CRADD: variants seen among roughly 807,000 people sequenced by gnomAD.
The protein encoded by CRADD is CARD and death domain containing adaptor protein.
In CRADD, 9 loss-of-function variants were observed where a neutral mutation model predicts 15.5. The ratio of observed to expected loss-of-function variants is 0.58; its 90% CI spans 0.35 to 1.01. The LOEUF is 1.01. Ranked by LOEUF, CRADD falls within the 50% of genes least tolerant of loss-of-function variation. The pLI, the probability that CRADD is intolerant of heterozygous loss-of-function variation, is 0.02. For synonymous variants in CRADD, 118 were observed against 107.6 expected, an observed-to-expected ratio of 1.10 and a Z score of -0.60; for missense variants, 227 against 250.3, an observed-to-expected ratio of 0.91 and a Z score of 0.63.
intron 2 of CRADD, among the ~76,000 whole-genome samples, chr12:93,796,469 G>T (rs1319514657): frequency 6.6e-6 from 1 of 151,914 alleles, no homozygotes; most frequent in Non-Finnish European, 1.5e-5. Context: ...GCAGGGCATG[G>T]TGGTGGGCAC....
At chr12:93,739,584 G>T (rs1204440844) in intron 2 of CRADD, among the ~76,000 whole-genome samples, 1 of 151,758 alleles carries the variant, frequency 6.6e-6, no homozygotes, top group Non-Finnish European at 1.5e-5. Flanking sequence ...ACAGTTAGTG[G>T]TTTCTATTAT....
At chr12:93,835,536 C>A (rs940479617) in intron 2 of CRADD, among the ~76,000 whole-genome samples, 1 of 152,094 alleles carries the variant, frequency 6.6e-6, no homozygotes, top group African/African-American at 2.4e-5. Flanking sequence ...ACACTTTGGC[C>A]TGGGTTCTCT....
chr12:93,680,394 A>G (rs1411913854), intron 2 of CRADD, among the ~76,000 whole-genome samples: 1 of 152,194 alleles, frequency 6.6e-6, no homozygotes, highest in Non-Finnish European at 1.5e-5. Flanking sequence ...TTTTTGCTCC[A>G]TGGACCTCAT....
At chr12:93,879,383 G>A (rs1958479372) in intron 2 of CRADD, among the ~76,000 whole-genome samples, 1 of 152,120 alleles carries the variant, frequency 6.6e-6, no homozygotes, top group African/African-American at 2.4e-5. Context: ...TCAGCTTTCA[G>A]GCTATAAGGT....
At chr12:93,762,380 T>C (rs1031196420) in intron 2 of CRADD, among the ~76,000 whole-genome samples, 26 of 152,222 alleles carry the variant, frequency 1.7e-4, no homozygotes, top group Admixed American at 6.5e-5. Flanking sequence ...CTGGCTTTCT[T>C]GAACCAGTTA....
chr12:93,844,210 A>G (rs1183966124), intron 2 of CRADD, among the ~76,000 whole-genome samples: 3 of 152,216 alleles, frequency 2.0e-5, no homozygotes, highest in African/African-American at 7.2e-5. Flanking sequence ...CATGCATGCT[A>G]GCTTTGAGAA....
chr12:93,850,381 TGATCTTCA>T lies in CRADD; in HGVS notation c.*114_*121del, dbSNP rs1380132598. ...GTGTAGGTTTGTTTTTTATTTTTGA[TGATCTTCA>T]GATGGAAGGAGAAAACAGGGTTTCC... On this transcript the variant is annotated 3_prime_UTR_variant, in exon 3 of 3. Transcript: ENST00000332896. The surrounding 1 kb of genome is among the most constrained non-coding windows in gnomAD (Gnocchi z 4.0). 2 of 1,426,494 alleles carry T rather than the reference TGATCTTCA, an allele frequency of 1.4e-6. No individual in the cohort carries two copies. Among genetic ancestry groups the T allele is most frequent in the African/African-American group, 2.9e-5 (2 of 69,132 alleles). The allele number at this position is 1,426,494 out of a possible 1,614,324, so 88.4% of individuals were successfully genotyped here.
At chr12:93,767,978 A>G (rs1022162330) in intron 2 of CRADD, among the ~76,000 whole-genome samples, 10 of 152,252 alleles carry the variant, frequency 6.6e-5, no homozygotes, top group African/African-American at 1.7e-4. Flanking sequence ...TTAAGTATAT[A>G]CATTGGAAAC....
intron 2 of CRADD, among the ~76,000 whole-genome samples, chr12:93,697,445 G>C (rs1017326926): frequency 5.9e-5 from 9 of 152,194 alleles, no homozygotes; most frequent in African/African-American, 2.2e-4. Context: ...CCAGCCTCCA[G>C]AACTGTGAGA....
rs897728229 is a variant in CRADD, at chr12:93,713,044, G to T, written c.298+33972G>T. Among the ~76,000 whole-genome samples the T allele has an allele frequency of 4.6e-5, 7 of 152,194 alleles. No individual in the cohort carries two copies. In the South Asian group the frequency reaches 1.0e-3, roughly 23 times the overall value. ...AAGCAAAATAGAATCTTTTTTGTGT[G>T]TGTCTTTATTTTGAAGATCGTTTTT... On this transcript the variant is annotated intron_variant, in intron 2 of 2. Coordinates refer to ENST00000332896, the MANE Select transcript of CRADD (RefSeq NM_003805.5).
intron 2 of CRADD, among the ~76,000 whole-genome samples, chr12:93,734,866 C>T (rs1592944466): frequency 6.6e-6 from 1 of 152,174 alleles, no homozygotes; most frequent in African/African-American, 2.4e-5. Context: ...TCCCACTCAA[C>T]TCACAGATCT....
chr12:93,807,782 A>G (rs1300205305), intron 2 of CRADD, among the ~76,000 whole-genome samples: 1 of 151,950 alleles, frequency 6.6e-6, no homozygotes, highest in Non-Finnish European at 1.5e-5. Flanking sequence ...ATCCAAATAA[A>G]AACCAATGAG....
intron 2 of CRADD, among the ~76,000 whole-genome samples, chr12:93,828,280 G>A (rs1957849012): frequency 6.6e-6 from 1 of 152,196 alleles, no homozygotes; most frequent in African/African-American, 2.4e-5. Context: ...TCTAAACAGT[G>A]TCTTTCAAAT....
At chr12:93,771,174 G>A (rs1361746075) in intron 2 of CRADD, among the ~76,000 whole-genome samples, 1 of 152,052 alleles carries the variant, frequency 6.6e-6, no homozygotes. Flanking sequence ...ACATTCACAA[G>A]TATACATATT....
At chr12:93,818,891 G>A (rs1452358456) in intron 2 of CRADD, among the ~76,000 whole-genome samples, 1 of 152,228 alleles carries the variant, frequency 6.6e-6, no homozygotes, top group Non-Finnish European at 1.5e-5. Flanking sequence ...GCATAGGTCA[G>A]TCCTGTCATA....
At chr12:93,775,122 C>T (rs1371777700) in intron 2 of CRADD, among the ~76,000 whole-genome samples, 1 of 152,194 alleles carries the variant, frequency 6.6e-6, no homozygotes, top group Admixed American at 6.5e-5. Flanking sequence ...CTCCTGTGAG[C>T]ATTTGGTGCT....
chr12:93,863,634 G>C (rs1958337116), intron 2 of CRADD, among the ~76,000 whole-genome samples: 1 of 149,052 alleles, frequency 6.7e-6, no homozygotes. Context: ...GTGTGTGTGT[G>C]TGTGTGTGTG....
At chr12:93,823,885 G>A (rs977608487) in intron 2 of CRADD, among the ~76,000 whole-genome samples, 3 of 152,174 alleles carry the variant, frequency 2.0e-5, no homozygotes, top group South Asian at 2.1e-4. Context: ...TTAAAACCTA[G>A]CTGCACAGGC....
At chr12:93,836,477 G>T (rs1163512309) in intron 2 of CRADD, among the ~76,000 whole-genome samples, 1 of 152,122 alleles carries the variant, frequency 6.6e-6, no homozygotes, top group Admixed American at 6.5e-5. Context: ...AATGAAACAT[G>T]GATGTGGGAA....
Sources: gnomAD v4.1 joint callset for allele counts (sites outside exome capture counted in the v4.1 genomes callset) on GRCh38, gnomAD v4.1.1 for gene constraint, Gnocchi (gnomAD v3.1) non-coding constraint, MANE v1.5 for transcripts, NCBI Gene and HGNC (gene_info 2026-07-23, HGNC 2026-07-21) for gene names.